The following RPE variants were observed in gnomAD, a reference collection of about 807,000 sequenced individuals.
RPE encodes the protein ribulose-phosphate 3-epimerase.
RPE carries 16 observed loss-of-function variants against 24.6 expected under a neutral mutation model. The observed-to-expected ratio is 0.65, with a 90% confidence interval of 0.44 to 0.99. The LOEUF (loss-of-function observed/expected upper bound fraction) is 0.99. RPE is among the 50% of genes least tolerant of loss of function. The pLI is 0.00. For synonymous variants in RPE, 93 were observed against 98.4 expected, an observed-to-expected ratio of 0.94 and a Z score of 0.33; for missense variants, 240 against 294.5, an observed-to-expected ratio of 0.81 and a Z score of 1.35.
At chr2:210,008,708 C>T (rs536922884) in intron 1 of RPE, among the ~76,000 whole-genome samples, 28 of 151,132 alleles carry the variant, frequency 1.9e-4, no homozygotes, top group South Asian at 2.1e-4. Flanking sequence ...TTTTTGTTTT[C>T]GTTTTTGAGG....
Position 210,009,400 on chromosome 2 carries a change from A to G in RPE, c.123-257A>G, listed in dbSNP as rs779125669. ...CTGATTTTATCATCTCTCCATTTCT[A>G]CTTGTCATGGGTCGTGAATTACGGA... On this transcript the variant is annotated intron_variant, in intron 1 of 5. Coordinates refer to ENST00000359429, the MANE Select transcript of RPE (RefSeq NM_199229.3). Among the ~76,000 whole-genome samples, 38 of 152,252 alleles carry G rather than the reference A, an allele frequency of 2.5e-4. 1 individual carries two copies. The highest frequency in any genetic ancestry group is 6.2e-4 in the South Asian group (3 of 4,822).
Position 210,016,023 on chromosome 2 carries a change from G to C in RPE, c.253G>C (p.Val85Leu). ...AGAACAGTGGGTAAAGCCAATGGCT[G>C]TAGCAGGAGCCAATCAGTACACCTT... ...KPEQWVKPMA[V>L]AGANQYTFHL... The change falls in exon 3 of 6, where the codon GTA becomes CTA. Residue 85 changes from valine to leucine, a missense_variant. Coordinates refer to ENST00000359429, the MANE Select transcript of RPE (RefSeq NM_199229.3). 1.9e-6 allele frequency: 3 copies of C among 1,614,226 alleles called. No individual in the cohort carries two copies. Among genetic ancestry groups the C allele is most frequent in the Non-Finnish European group, 1.7e-6 (2 of 1,180,044 alleles).
intron 1 of RPE, among the ~76,000 whole-genome samples, chr2:210,009,024 A>G (rs541557644): frequency 2.6e-4 from 40 of 152,304 alleles, no homozygotes; most frequent in African/African-American, 9.6e-4. Context: ...CCACTTCCAC[A>G]AATTATTAAC....
Position 210,020,357 on chromosome 2 carries a change from GC to G in RPE, c.*567del. 3 of 166,996 alleles carry G rather than the reference GC, an allele frequency of 1.8e-5. No individual in the cohort carries two copies. The Admixed American group carries it at 2.0e-4, about 11-fold the overall frequency. 10.3% of individuals were successfully genotyped at this position (166,996 alleles called of 1,614,324 possible). A position where few individuals can be genotyped will look rare whatever the true frequency, so the allele number is the denominator to read the frequency against. ...GAAACCCAGGGGTTCTAAAATACAAGCATAGATTTTATCAGGGTGTTTTGTC... is the reference window on the plus strand; with the variant it reads ...GAAACCCAGGGGTTCTAAAATACAAGATAGATTTTATCAGGGTGTTTTGTC... On this transcript the variant is annotated 3_prime_UTR_variant, in exon 6 of 6. Coordinates refer to ENST00000359429, the MANE Select transcript of RPE (RefSeq NM_199229.3).
At chr2:210,005,831 A>G (rs1453328027) in intron 1 of RPE, among the ~76,000 whole-genome samples, 1 of 152,214 alleles carries the variant, frequency 6.6e-6, no homozygotes, top group African/African-American at 2.4e-5. Context: ...CCTGATTCAC[A>G]GGAAGATTGT....
chr2:210,018,146 A>G (rs754522852), intron 5 of RPE: 8 of 1,527,418 alleles, frequency 5.2e-6, no homozygotes, highest in Non-Finnish European at 7.0e-6. Context: ...AATATGTTGA[A>G]TTTCAGCCCT....
intron 2 of RPE, among the ~76,000 whole-genome samples, chr2:210,015,252 C>T (rs969178326): frequency 8.5e-5 from 13 of 152,270 alleles, no homozygotes; most frequent in South Asian, 2.1e-4. Context: ...ATATCCATCC[C>T]GAATTGCTGC....
At chr2:210,007,640 T>C (rs978053303) in intron 1 of RPE, among the ~76,000 whole-genome samples, 1 of 152,214 alleles carries the variant, frequency 6.6e-6, no homozygotes, top group African/African-American at 2.4e-5. Flanking sequence ...TTTTCAGCCT[T>C]TGTTTCTTTT....
chr2:210,010,167 T>C (rs562693593), intron 2 of RPE, among the ~76,000 whole-genome samples: 1 of 152,362 alleles, frequency 6.6e-6, no homozygotes, highest in Admixed American at 6.5e-5. Context: ...AGCATAGACA[T>C]GATCAGGGCT....
intron 1 of RPE, among the ~76,000 whole-genome samples, chr2:210,005,177 G>A (rs930691925): frequency 1.3e-5 from 2 of 152,138 alleles, no homozygotes; most frequent in African/African-American, 4.8e-5. Context: ...GGCTATGAAA[G>A]TGGGCTGTGG....
Position 210,016,056 on chromosome 2 carries a change from G to A in RPE, c.286G>A (p.Glu96Lys), listed in dbSNP as rs750592384. The A allele has an allele frequency of 9.3e-6, 15 of 1,614,210 alleles. No individual in the cohort carries two copies. The highest frequency in any genetic ancestry group is 2.2e-5 in the East Asian group (1 of 44,886). The change falls in exon 3 of 6, where the codon GAG (glutamate) becomes AAG (lysine). Residue 96 changes from glutamate to lysine, a missense_variant. Glu to Lys is a moderately conservative substitution (Grantham distance 56, BLOSUM62 1). Transcript: ENST00000359429. ...AGCCAATCAGTACACCTTTCATCTC[G>A]AGGCTACTGAGAACCCAGGGGCTTT... ...AGANQYTFHL[E>K]ATENPGALIK...
At chr2:210,009,534 G>A in intron 1 of RPE, 123 bp from the exon 2 acceptor site, 4 of 1,298,784 alleles carry the variant, frequency 3.1e-6, no homozygotes, top group Non-Finnish European at 3.3e-6. Context: ...TAATACTGAT[G>A]ATTAAGTATT....
rs909644419 is a variant in RPE at position 210,018,101 on chromosome 2, T to C, written c.564+542T>C. 6.1e-6 allele frequency: 9 copies of C among 1,474,554 alleles called. No individual in the cohort carries two copies. The African/African-American group carries it at 1.3e-4, about 21-fold the overall frequency. The allele number at this position is 1,474,554 out of a possible 1,614,324, so 91.3% of individuals were successfully genotyped here. On this transcript the variant is annotated intron_variant, in intron 5 of 5. Coordinates refer to ENST00000359429, the MANE Select transcript of RPE (RefSeq NM_199229.3). ...GTTAAAATTGTAAATCCTGGTTTTC[T>C]CAGGAAGGCTGAAGAAAGTTCTTTT...
intron 2 of RPE, among the ~76,000 whole-genome samples, chr2:210,013,572 A>G (rs568605055): frequency 1.3e-5 from 2 of 152,240 alleles, no homozygotes; most frequent in East Asian, 3.9e-4. Flanking sequence ...TCAGCCTCCT[A>G]AGATTATAGG....
intron 5 of RPE, chr2:210,018,648 G>A (rs1223528436): frequency 4.1e-6 from 4 of 985,046 alleles, no homozygotes; most frequent in South Asian, 4.7e-5. Flanking sequence ...CCTTTTGATC[G>A]CTTGTGGAAT....
rs1390474801 is a variant in RPE, at chr2:210,021,688, T to A, written c.*1897T>A. 6.6e-6 allele frequency: 1 copy of A among 152,460 alleles called. No homozygotes were observed. The highest frequency in any genetic ancestry group is 2.4e-5 in the African/African-American group (1 of 41,414). 9.4% of individuals were successfully genotyped at this position (152,460 alleles called of 1,614,324 possible). A position where few individuals can be genotyped will look rare whatever the true frequency, so the allele number is the denominator to read the frequency against. On this transcript the variant is annotated 3_prime_UTR_variant, in exon 6 of 6. Transcript: ENST00000359429. ...ACAGATAAGGCCAAATGGCCAATAT[T>A]TTCAGTTATGTGGGTAGTACAACTT...
In RPE at chr2:210,009,715, C is replaced by T; in HGVS notation, c.181C>T (p.Leu61=). Residue 61 remains leucine (L), a synonymous_variant, in exon 2 of 6, where the codon CTA becomes TTA. Transcript: ENST00000359429. ...HPVVESLRKQ[L]GQDPFFDMHM... The stretch of plus-strand genomic sequence containing the variant: ...TGTGGTAGAAAGCCTTCGAAAGCAG[C>T]TAGGCCAGGACCCTTTCTTTGGTAA... 1 of 1,614,182 alleles carries T rather than the reference C, an allele frequency of 6.2e-7. No homozygotes were observed. Among genetic ancestry groups the T allele is most frequent in the Non-Finnish European group, 8.5e-7 (1 of 1,180,022 alleles).
At chr2:210,004,474 C>A (rs932915401) in intron 1 of RPE, among the ~76,000 whole-genome samples, 1 of 152,064 alleles carries the variant, frequency 6.6e-6, no homozygotes, top group African/African-American at 2.4e-5. Context: ...AATGGTGGAG[C>A]CAGGGTTGGA....
At chr2:210,011,664 TTTGTTG>T (rs530211928) in intron 2 of RPE, among the ~76,000 whole-genome samples, 4 of 152,000 alleles carry the variant, frequency 2.6e-5, no homozygotes, top group African/African-American at 7.2e-5. Context: ...TTTTTCGCTT[TTTGTTG>T]TTGTTGTTGT....
Sources: allele counts gnomAD v4.1 joint callset (sites outside exome capture counted in the v4.1 genomes callset), GRCh38; gene constraint gnomAD v4.1.1; transcripts MANE v1.5; gene names NCBI Gene and HGNC (gene_info 2026-07-23, HGNC 2026-07-21).